Variants in GALNTL6 observed in about 807,000 individuals in gnomAD.
GALNTL6 encodes polypeptide N-acetylgalactosaminyltransferase like 6, also known as polypeptide N-acetylgalactosaminyltransferase-like 6.
In GALNTL6, 46 loss-of-function variants were observed where a neutral mutation model predicts 73.7. That is an observed-to-expected ratio of 0.62 (90% CI 0.49 to 0.80). GALNTL6 has a LOEUF of 0.80. GALNTL6 is among the 30% of genes least tolerant of loss of function. The probability of loss-of-function intolerance (pLI) is 0.00; values close to 1 mark genes in which losing one functional copy is unlikely to be tolerated. For missense variants in GALNTL6, 604 were observed against 755.0 expected (o/e 0.80, Z 2.34); for synonymous variants, 259 against 263.7 (o/e 0.98, Z 0.17).
At chr4:172,549,492 A>G (rs1735883239) in intron 5 of GALNTL6, among the ~76,000 whole-genome samples, 1 of 152,198 alleles carries the variant, frequency 6.6e-6, no homozygotes. Context: ...TTACTAAGTG[A>G]TATCTACAAT....
chr4:172,329,722 G>A (rs559280222), intron 4 of GALNTL6, among the ~76,000 whole-genome samples: 7 of 152,138 alleles, frequency 4.6e-5, no homozygotes, highest in East Asian at 1.9e-4. Flanking sequence ...CCTAGAGCCC[G>A]AAGGCAACAA....
chr4:172,151,503 C>T (rs1483526717), intron 2 of GALNTL6, among the ~76,000 whole-genome samples: 2 of 152,172 alleles, frequency 1.3e-5, no homozygotes, highest in African/African-American at 4.8e-5. Flanking sequence ...GAGATTTACA[C>T]ATGAAGACTT....
intron 2 of GALNTL6, among the ~76,000 whole-genome samples, chr4:171,988,234 A>G (rs1228363016): frequency 3.3e-5 from 5 of 152,196 alleles, no homozygotes; most frequent in African/African-American, 1.2e-4. Flanking sequence ...ATGCCTAGGA[A>G]GGAAAGGAGT....
At chr4:172,341,153 C>T (rs978991552) in intron 4 of GALNTL6, among the ~76,000 whole-genome samples, 1 of 152,148 alleles carries the variant, frequency 6.6e-6, no homozygotes, top group African/African-American at 2.4e-5. Flanking sequence ...TATTCAATGC[C>T]TTGAAAATAA....
At chr4:172,603,432 T>A (rs1738141594) in intron 5 of GALNTL6, among the ~76,000 whole-genome samples, 2 of 152,180 alleles carry the variant, frequency 1.3e-5, no homozygotes, top group Admixed American at 1.3e-4. Flanking sequence ...GCCAAGTGCA[T>A]TTGCCCAAAC....
At chr4:172,079,636 T>G (rs1731816067) in intron 2 of GALNTL6, among the ~76,000 whole-genome samples, 1 of 152,086 alleles carries the variant, frequency 6.6e-6, no homozygotes, top group Non-Finnish European at 1.5e-5. Flanking sequence ...TGGTAGCTCT[T>G]TATTGTTTTC....
intron 2 of GALNTL6, among the ~76,000 whole-genome samples, chr4:172,123,500 A>ATTTTTTTTTTTTTTTTTTTTTTTTTTTT (rs67067629): frequency 8.7e-6 from 1 of 115,418 alleles, no homozygotes; most frequent in African/African-American, 3.4e-5. Flanking sequence ...AAAAGTCATA[A>ATTTTTTTTTTTTTTTTTTTTTTTTTTTT]TTTTTTTTTT....
At chr4:172,476,284 A>AGTT (rs1733227686) in intron 5 of GALNTL6, among the ~76,000 whole-genome samples, 1 of 152,216 alleles carries the variant, frequency 6.6e-6, no homozygotes, top group African/African-American at 2.4e-5. Context: ...GGAGCAAGGC[A>AGTT]GTTTCCTGAG....
At chr4:172,073,005 TCTC>T (rs1731592586) in intron 2 of GALNTL6, among the ~76,000 whole-genome samples, 1 of 152,190 alleles carries the variant, frequency 6.6e-6, no homozygotes, top group Non-Finnish European at 1.5e-5. Flanking sequence ...ACTTATCGAT[TCTC>T]CTCTCTCCGT....
At chr4:171,833,053 T>G (rs1201289343) in intron 2 of GALNTL6, among the ~76,000 whole-genome samples, 1 of 151,914 alleles carries the variant, frequency 6.6e-6, no homozygotes, top group East Asian at 1.9e-4. Context: ...TTTTGATGAT[T>G]CTACCCTAAG....
chr4:172,071,827 T>C (rs901834946), intron 2 of GALNTL6, among the ~76,000 whole-genome samples: 12 of 152,186 alleles, frequency 7.9e-5, no homozygotes, highest in African/African-American at 2.7e-4. Flanking sequence ...TTGAGGACTA[T>C]TGGCATAAGA....
chr4:172,473,397 G>C (rs1733122713), intron 5 of GALNTL6, among the ~76,000 whole-genome samples: 1 of 152,098 alleles, frequency 6.6e-6, no homozygotes, highest in Non-Finnish European at 1.5e-5. Context: ...TGGTGCAAAA[G>C]AGTTATGTAT....
intron 2 of GALNTL6, among the ~76,000 whole-genome samples, chr4:171,887,012 A>G (rs1356197337): frequency 2.0e-5 from 3 of 152,220 alleles, no homozygotes; most frequent in Non-Finnish European, 4.4e-5. Flanking sequence ...AGAATACCAC[A>G]GACTAGGTAA....
chr4:172,520,714 T>C (rs1561119777), intron 5 of GALNTL6, among the ~76,000 whole-genome samples: 1 of 151,996 alleles, frequency 6.6e-6, no homozygotes, highest in Non-Finnish European at 1.5e-5. Context: ...GACAAGTATT[T>C]TGGTGGCTAA....
At chr4:172,087,067 G>T (rs1732056383) in intron 2 of GALNTL6, among the ~76,000 whole-genome samples, 1 of 152,086 alleles carries the variant, frequency 6.6e-6, no homozygotes, top group African/African-American at 2.4e-5. Context: ...GTTATTCATT[G>T]AAGTTGTCAG....
chr4:171,960,688 T>TAAAAA lies in GALNTL6; in HGVS notation c.138+145988_138+145992dup, dbSNP rs201299722. On this transcript the variant is annotated intron_variant, in intron 2 of 12. Coordinates refer to ENST00000506823, the MANE Select transcript of GALNTL6 (RefSeq NM_001034845.3). The stretch of plus-strand genomic sequence containing the variant: ...ACTCAGAGAAATGACTGTCTTTATT[T>TAAAAA]AAAAAAAAAAAAAAAAAAAAAAGTC... 5.1e-4 allele frequency among the ~76,000 whole-genome samples: 66 copies of TAAAAA among 129,486 alleles called. 1 individual carries two copies. Among genetic ancestry groups the TAAAAA allele is most frequent in the African/African-American group, 1.6e-3 (54 of 33,052 alleles). The allele number at this position is 129,486 out of a possible 152,430, so 84.9% of individuals were successfully genotyped here. A position where few individuals can be genotyped will look rare whatever the true frequency, so the allele number is the denominator to read the frequency against.
chr4:172,015,923 A>ATTT (rs70941375), intron 2 of GALNTL6, among the ~76,000 whole-genome samples: 905 of 44,072 alleles, frequency 0.021, no homozygotes, highest in Non-Finnish European at 0.027. Flanking sequence ...ATCTAATAGG[A>ATTT]TTTTTTTTTT....
chr4:171,904,164 GAGA>G (rs1266610430), intron 2 of GALNTL6, among the ~76,000 whole-genome samples: 31 of 152,196 alleles, frequency 2.0e-4, no homozygotes, highest in South Asian at 4.1e-4. Context: ...GACGAGCTGA[GAGA>G]AGAAGGCTTC....
chr4:172,267,831 T>A (rs1455586441), intron 3 of GALNTL6, among the ~76,000 whole-genome samples: 1 of 152,122 alleles, frequency 6.6e-6, no homozygotes, highest in Non-Finnish European at 1.5e-5. Context: ...CAAAACTACA[T>A]CTAAACATTA....
Sources: allele counts gnomAD v4.1 joint callset (sites outside exome capture counted in the v4.1 genomes callset), GRCh38; gene constraint gnomAD v4.1.1; transcripts MANE v1.5; gene names NCBI Gene and HGNC (gene_info 2026-07-23, HGNC 2026-07-21).